The following CEP131 variants were observed in gnomAD, a reference collection of about 807,000 sequenced individuals.
The protein encoded by CEP131 is centrosomal protein of 131 kDa.
CEP131 carries 99 observed loss-of-function variants against 136.8 expected under a neutral mutation model. The observed-to-expected ratio is 0.72, with a 90% CI of 0.62 to 0.86. The LOEUF is 0.86. CEP131 is among the 40% of genes least tolerant of loss of function. CEP131 has a pLI of 0.00. For missense variants in CEP131, 1,459 were observed against 1,463.0 expected (o/e 1.00, Z 0.04); for synonymous variants, 646 against 612.7 (o/e 1.05, Z -0.80).
At chr17:81,194,800 T>G in intron 17 of CEP131, 70 bp downstream of exon 17, 1 of 1,249,304 alleles carries the variant, frequency 8.0e-7, no homozygotes, top group Non-Finnish European at 1.2e-6. Flanking sequence ...AAGTTATGGC[T>G]CTCTCAAAAG....
In CEP131 at chr17:81,195,901, G is replaced by T; in HGVS notation, c.1950C>A (p.Ala650=). 6.2e-7 allele frequency: 1 copy of T among 1,609,888 alleles called. No individual in the cohort carries two copies. Residue 650 remains alanine (A), a synonymous_variant, in exon 16 of 26, where the codon GCC becomes GCA. Transcript: ENST00000450824. The stretch of plus-strand genomic sequence containing the variant: ...ATCTCTGGTCCTCCTGCTTCAGCTC[G>T]GCCACCACAGCCTCGCACTTTTCAC... ...VLSEKCEAVV[A]ELKQEDQRCT...
Position 81,190,914 on chromosome 17 carries a change from G to A in CEP131, c.2936C>T (p.Ala979Val), listed in dbSNP as rs780940898. 3.6e-5 allele frequency: 57 copies of A among 1,602,746 alleles called. No individual in the cohort carries two copies. The highest frequency in any genetic ancestry group is 8.4e-5 in the Admixed American group (5 of 59,744). ...VRQKERALED[A>V]QAVNEQLSSE... is the part of the protein sequence containing the mutation. The stretch of plus-strand genomic sequence containing the variant: ...TGACACCCGCCCACTCACCGCCTGC[G>A]CATCCTCCAGCGCCCGCTCCTTCTG... The change falls in exon 23 of 26, where the codon GCG becomes GTG. Residue 979 changes from alanine (A) to valine (V), a missense_variant. Around this residue, in one of 3 missense-constraint regions of CEP131, gnomAD observed 1,026 missense variants for 964.2 expected, o/e 1.06. Transcript: ENST00000450824.
At chr17:81,211,328 A>T (rs2062127697) in intron 2 of CEP131, among the ~76,000 whole-genome samples, 1 of 152,222 alleles carries the variant, frequency 6.6e-6, no homozygotes, top group African/African-American at 2.4e-5. Context: ...GAAGGGCCCC[A>T]TGGAGGCCTC....
At position 81,219,702 on chromosome 17, in the gene CEP131, C is replaced by G. The variant is rs748353503; in HGVS notation, c.177+178G>C. ...GCTCTGGCTTGACTTTCTAGTGATT[C>G]AGCACCCACGCCTGTAAGACTCAAG... On this transcript the variant is annotated intron_variant, in intron 2 of 25. Coordinates refer to ENST00000450824, the MANE Select transcript of CEP131 (RefSeq NM_014984.4). This position sits in a 1 kb window ranked among gnomAD's most constrained non-coding sequence, Gnocchi z 4.0. Among the ~76,000 whole-genome samples, 1 of 152,300 alleles carries G rather than the reference C, an allele frequency of 6.6e-6. No homozygotes were observed. Among genetic ancestry groups the G allele is most frequent in the South Asian group, 2.1e-4 (1 of 4,834 alleles).
At chr17:81,191,476 A>G (rs1048397717) in intron 21 of CEP131, 141 bp from the exon 22 acceptor site, 2 of 743,948 alleles carry the variant, frequency 2.7e-6, no homozygotes, top group African/African-American at 3.5e-5. Flanking sequence ...ACCCCTGTCC[A>G]GGGGTGCGCT....
intron 2 of CEP131, among the ~76,000 whole-genome samples, chr17:81,209,586 C>T (rs1261143454): frequency 2.1e-5 from 2 of 97,532 alleles, no homozygotes; most frequent in Admixed American, 1.1e-4. Flanking sequence ...CTCGGAGAAG[C>T]GGACGCTAAG....
intron 2 of CEP131, among the ~76,000 whole-genome samples, chr17:81,217,762 G>A (rs2062282329): frequency 6.6e-6 from 1 of 152,202 alleles, no homozygotes; most frequent in Non-Finnish European, 1.5e-5. Flanking sequence ...CACTGCGGGA[G>A]CGGGCAATGG....
At chr17:81,197,597 T>TC (rs1432460135) in intron 13 of CEP131, 115 bp downstream of exon 13, 1 of 1,420,396 alleles carries the variant, frequency 7.0e-7, no homozygotes, top group Non-Finnish European at 9.2e-7. Flanking sequence ...AGAGACCTCC[T>TC]CCCCCTGGGG....
At chr17:81,205,356 A>G (rs1354265127) in intron 5 of CEP131, among the ~76,000 whole-genome samples, 8 of 123,540 alleles carry the variant, frequency 6.5e-5, no homozygotes, top group Admixed American at 4.1e-4. Flanking sequence ...GGGCGGCAAG[A>G]GTGTGGGTAG....
At position 81,219,119 on chromosome 17, in the gene CEP131, C is replaced by T. The variant is rs1016842839; in HGVS notation, c.177+761G>A. Among the ~76,000 whole-genome samples, 2 of 152,142 alleles carry T rather than the reference C, an allele frequency of 1.3e-5. No individual in the cohort carries two copies. The highest frequency in any genetic ancestry group is 2.9e-5 in the Non-Finnish European group (2 of 68,020). ...AGCAGGCCCGGCCTGCCTTTCACAG[C>T]CCCCATCTGGGAACCACCCACCCTC... On this transcript the variant is annotated intron_variant, in intron 2 of 25. Coordinates refer to ENST00000450824, the MANE Select transcript of CEP131 (RefSeq NM_014984.4). The surrounding 1 kb of genome is among the most constrained non-coding windows in gnomAD (Gnocchi z 4.0).
In CEP131 at chr17:81,192,378, G is replaced by T. The variant is rs1288525659; in HGVS notation, c.2562C>A (p.Thr854=). Residue 854 remains threonine (T), a synonymous_variant, in exon 21 of 26, where the codon ACC becomes ACA. Transcript: ENST00000450824. ...QERRHQMELN[T]LKQQLELERQ... The stretch of plus-strand genomic sequence containing the variant: ...TCTCCAGCTCCAGCTGCTGCTTCAG[G>T]GTATTCAGCTCCATCTGGGGGGCGG... 1 of 1,603,426 alleles carries T rather than the reference G, an allele frequency of 6.2e-7. No individual in the cohort carries two copies.
intron 2 of CEP131, among the ~76,000 whole-genome samples, chr17:81,212,201 T>C (rs1280211523): frequency 6.8e-6 from 1 of 147,684 alleles, no homozygotes; most frequent in African/African-American, 2.5e-5. Flanking sequence ...CACGCACCTG[T>C]AATCCCAGCT....
chr17:81,190,053 C>CTGCA, intron 24 of CEP131, 78 bp from the exon 25 acceptor site: 1 of 1,320,292 alleles, frequency 7.6e-7, no homozygotes, highest in Non-Finnish European at 1.0e-6. Context: ...ACAGGGTGCA[C>CTGCA]GGGGCAGCCG....
At chr17:81,193,862 C>A in intron 18 of CEP131, 64 bp downstream of exon 18, 3 of 1,499,664 alleles carry the variant, frequency 2.0e-6, no homozygotes, top group Non-Finnish European at 2.7e-6. Context: ...CCACTCCAGC[C>A]TTCGAGGATT....
intron 2 of CEP131, among the ~76,000 whole-genome samples, chr17:81,212,521 A>G (rs1434704648): frequency 6.7e-6 from 1 of 149,234 alleles, no homozygotes; most frequent in African/African-American, 2.5e-5. Flanking sequence ...GGCTCTTCCT[A>G]ATAGCCCTGG....
chr17:81,199,435 G>A lies in CEP131; in HGVS notation c.1138C>T (p.Leu380=). 1 of 1,607,688 alleles carries A rather than the reference G, an allele frequency of 6.2e-7. No individual in the cohort carries two copies. The highest frequency in any genetic ancestry group is 8.5e-7 in the Non-Finnish European group (1 of 1,178,014). The change falls in exon 10 of 26, where the codon CTG becomes TTG. Residue 380 remains leucine (L), a synonymous_variant. Transcript: ENST00000450824. ...GCAGTGCCGCCTGGTGTGGGGGACA[G>A]CTCCTGAGCAGGCTGCCGCATTCCT... ...VPGMRQPAQE[L]SPTPGGTAHQ...
At position 81,191,025 on chromosome 17, in the gene CEP131, C is replaced by T. The variant is rs111464253; in HGVS notation, c.2825G>A (p.Arg942Gln). 5.0e-6 allele frequency: 8 copies of T among 1,610,566 alleles called. No individual in the cohort carries two copies. Among genetic ancestry groups the T allele is most frequent in the African/African-American group, 4.0e-5 (3 of 75,052 alleles). ...CTCCGAGCACCGCTCCTGAAGCTTCCGCTCCGACTGCTCCAGCTCGGAGAG... is the reference window on the plus strand; with the variant it reads ...CTCCGAGCACCGCTCCTGAAGCTTCTGCTCCGACTGCTCCAGCTCGGAGAG... ...AELSELEQSE[R>Q]KLQERCSELK... The change falls in exon 23 of 26, where the codon CGG (arginine) becomes CAG (glutamine). Residue 942 changes from arginine to glutamine, a missense_variant. Transcript: ENST00000450824.
At position 81,219,859 on chromosome 17, in the gene CEP131, C is replaced by G. The variant is rs1471048995; in HGVS notation, c.177+21G>C. The G allele has an allele frequency of 6.4e-7, 1 of 1,554,488 alleles. No homozygotes were observed. The highest frequency in any genetic ancestry group is 1.9e-5 in the Admixed American group (1 of 53,090). On this transcript the variant is annotated intron_variant, in intron 2 of 25. Coordinates refer to ENST00000450824, the MANE Select transcript of CEP131 (RefSeq NM_014984.4). The surrounding 1 kb of genome is among the most constrained non-coding windows in gnomAD (Gnocchi z 4.0). ...GCCCTCCAGGAGGCAGGGGCCCGGACTCCTAGGCCACAGTACTCACCAGCA... is the reference window on the plus strand; with the variant it reads ...GCCCTCCAGGAGGCAGGGGCCCGGAGTCCTAGGCCACAGTACTCACCAGCA...
intron 8 of CEP131, 155 bp from the exon 9 acceptor site, chr17:81,199,990 G>T: frequency 1.3e-6 from 1 of 749,924 alleles, no homozygotes; most frequent in Non-Finnish European, 2.3e-6. Flanking sequence ...CCTTGAACCT[G>T]CCATTTCTCT....
Sources: allele counts gnomAD v4.1 joint callset (sites outside exome capture counted in the v4.1 genomes callset), GRCh38; gene constraint gnomAD v4.1.1; regional missense constraint gnomAD v4.1.1; non-coding constraint Gnocchi (gnomAD v3.1); transcripts MANE v1.5; gene names NCBI Gene and HGNC (gene_info 2026-07-23, HGNC 2026-07-21).